Variants in SLC25A27 observed in about 807,000 individuals in gnomAD.
The protein encoded by SLC25A27 is mitochondrial uncoupling protein 4.
SLC25A27 carries 35 observed loss-of-function variants against 49.1 expected under a neutral mutation model. The observed-to-expected ratio is 0.71, with a 90% CI of 0.54 to 0.95. SLC25A27 has a LOEUF of 0.95. SLC25A27 is among the 40% of genes least tolerant of loss of function. SLC25A27 has a pLI of 0.00. For missense variants in SLC25A27, 339 were observed against 397.1 expected (o/e 0.85, Z 1.24); for synonymous variants, 144 against 136.9 (o/e 1.05, Z -0.36).
In SLC25A27 at chr6:46,668,813, G is replaced by T. The variant is rs748680941; in HGVS notation, c.704+20G>T. 2.8e-5 allele frequency: 40 copies of T among 1,424,054 alleles called. 1 individual carries two copies. In the South Asian group the frequency reaches 4.4e-4, roughly 16 times the overall value. 88.2% of individuals were successfully genotyped at this position (1,424,054 alleles called of 1,614,324 possible). A position where few individuals can be genotyped will look rare whatever the true frequency, so the allele number is the denominator to read the frequency against. On this transcript the variant is annotated intron_variant, in intron 6 of 8. Transcript: ENST00000371347. The stretch of plus-strand genomic sequence containing the variant: ...ATCAAGGTAAGGATTGTTTTAGTTG[G>T]ACTCTGTTTTTTTTTTTTGTATCAC...
chr6:46,674,356 G>A (rs1763680632), intron 8 of SLC25A27, among the ~76,000 whole-genome samples: 1 of 152,140 alleles, frequency 6.6e-6, no homozygotes, highest in African/African-American at 2.4e-5. Flanking sequence ...CTAGTATGTG[G>A]CAGAGCTGGG....
chr6:46,669,789 C>G (rs1459855857), intron 6 of SLC25A27, among the ~76,000 whole-genome samples: 8 of 152,152 alleles, frequency 5.3e-5, no homozygotes, highest in African/African-American at 1.7e-4. Flanking sequence ...TCACACTTCC[C>G]CATGTTTTTT....
At chr6:46,665,971 T>A (rs1260226689) in intron 5 of SLC25A27, among the ~76,000 whole-genome samples, 1 of 152,214 alleles carries the variant, frequency 6.6e-6, no homozygotes, top group East Asian at 1.9e-4. Context: ...ATCTGCAAAA[T>A]CTGGCCTGTG....
chr6:46,661,189 CTCA>C lies in SLC25A27; in HGVS notation c.384-1182_384-1180del, dbSNP rs1333413037. Among the ~76,000 whole-genome samples the C allele has an allele frequency of 2.0e-5, 3 of 151,674 alleles. No homozygotes were observed. The South Asian group carries it at 6.3e-4, about 32-fold the overall frequency. ...GAGAAAAAATATGATAATGTATGTG[CTCA>C]TCATTGTGTGGAGAAACAGGTATGA... is the stretch of plus-strand genomic sequence containing the variant. On this transcript the variant is annotated intron_variant, in intron 3 of 8. Coordinates refer to ENST00000371347, the MANE Select transcript of SLC25A27 (RefSeq NM_004277.5).
chr6:46,661,278 A>G (rs1314356047), intron 3 of SLC25A27, among the ~76,000 whole-genome samples: 1 of 152,174 alleles, frequency 6.6e-6, no homozygotes, highest in Non-Finnish European at 1.5e-5. Context: ...AGAAACAGGC[A>G]TTTTCACAGG....
rs1332633347 is a variant in SLC25A27, at chr6:46,671,290, A to G, written c.900+62A>G. Reference sequence around the variant, plus strand: ...GTACTTAAATTACTTTTAATTTATAAGCATTTTCCCTTTTCTCTTCTGGTT... The same window carrying G: ...GTACTTAAATTACTTTTAATTTATAGGCATTTTCCCTTTTCTCTTCTGGTT... On this transcript the variant is annotated intron_variant, in intron 8 of 8. Coordinates refer to ENST00000371347, the MANE Select transcript of SLC25A27 (RefSeq NM_004277.5). 4.1e-6 allele frequency: 4 copies of G among 985,116 alleles called. No individual in the cohort carries two copies. In the African/African-American group the frequency reaches 6.9e-5, roughly 17 times the overall value. The allele number at this position is 985,116 out of a possible 1,614,324, so 61.0% of individuals were successfully genotyped here.
Position 46,673,737 on chromosome 6 carries a change from C to T in SLC25A27, c.900+2509C>T, listed in dbSNP as rs1189386970. On this transcript the variant is annotated intron_variant, in intron 8 of 8. Coordinates refer to ENST00000371347, the MANE Select transcript of SLC25A27 (RefSeq NM_004277.5). ...ACTTAAGGACCAAGTTGGGAAGAAC[C>T]TTGTGGGCCAAGCCTAGTAGTTTAG... Among the ~76,000 whole-genome samples the T allele has an allele frequency of 4.6e-5, 7 of 152,204 alleles. No homozygotes were observed. The East Asian group carries it at 1.4e-3, about 29-fold the overall frequency.
At chr6:46,670,266 C>G (rs914072996) in intron 7 of SLC25A27, 39 bp downstream of exon 7, 1 of 1,227,962 alleles carries the variant, frequency 8.1e-7, no homozygotes, top group Non-Finnish European at 1.2e-6. Flanking sequence ...GCTTGAATAT[C>G]TGTAATACCT....
chr6:46,674,410 C>T (rs1562043601), intron 8 of SLC25A27, among the ~76,000 whole-genome samples: 1 of 152,106 alleles, frequency 6.6e-6, no homozygotes, highest in Non-Finnish European at 1.5e-5. Flanking sequence ...ACGCTCCTTA[C>T]TGATACAATA....
intron 5 of SLC25A27, among the ~76,000 whole-genome samples, chr6:46,667,108 A>G (rs1763351327): frequency 6.6e-6 from 1 of 152,086 alleles, no homozygotes; most frequent in Non-Finnish European, 1.5e-5. Context: ...TACCTTTGCT[A>G]CTACCTTATT....
Position 46,653,105 on chromosome 6 carries a change from G to T in SLC25A27, c.-88G>T. The T allele has an allele frequency of 1.5e-6, 2 of 1,310,350 alleles. No individual in the cohort carries two copies. The highest frequency in any genetic ancestry group is 1.1e-6 in the Non-Finnish European group (1 of 927,486). 81.2% of individuals were successfully genotyped at this position (1,310,350 alleles called of 1,614,324 possible). Reference sequence around the variant, plus strand: ...CACCCGGCCACTCGCCGGTTGAAAAGGGGCCGCCCTGGCAGGGAAGCGGCC... The same window carrying T: ...CACCCGGCCACTCGCCGGTTGAAAATGGGCCGCCCTGGCAGGGAAGCGGCC... On this transcript the variant is annotated 5_prime_UTR_variant, in exon 1 of 9. The change creates a new upstream start codon in the 5' untranslated region. Coordinates refer to ENST00000371347, the MANE Select transcript of SLC25A27 (RefSeq NM_004277.5).
At chr6:46,658,398 TTTG>T in intron 2 of SLC25A27, 4 of 312,344 alleles carry the variant, frequency 1.3e-5, no homozygotes, top group Non-Finnish European at 2.5e-5. Context: ...TCATTTGTAG[TTTG>T]TTGTTCATTG....
chr6:46,658,493 A>G (rs1361875585), intron 2 of SLC25A27: 4 of 448,260 alleles, frequency 8.9e-6, no homozygotes, highest in East Asian at 1.4e-4. Context: ...GAAATTATGT[A>G]TCTTTATTTA....
At chr6:46,653,892 C>T in intron 1 of SLC25A27, 1 of 970,730 alleles carries the variant, frequency 1.0e-6, no homozygotes, top group Non-Finnish European at 1.2e-6. Flanking sequence ...ATAATTCCTA[C>T]AATACCAGGG....
At chr6:46,673,745 C>G (rs961969789) in intron 8 of SLC25A27, among the ~76,000 whole-genome samples, 2 of 152,062 alleles carry the variant, frequency 1.3e-5, no homozygotes, top group African/African-American at 4.8e-5. Flanking sequence ...ACCTTGTGGG[C>G]CAAGCCTAGT....
intron 5 of SLC25A27, among the ~76,000 whole-genome samples, chr6:46,665,875 A>G (rs1763309723): frequency 6.6e-6 from 1 of 152,204 alleles, no homozygotes; most frequent in African/African-American, 2.4e-5. Flanking sequence ...CACAGATATT[A>G]ACACATTATT....
chr6:46,669,018 A>G (rs2150650068), intron 6 of SLC25A27, among the ~76,000 whole-genome samples: 1 of 152,306 alleles, frequency 6.6e-6, no homozygotes, highest in Middle Eastern at 3.4e-3. Flanking sequence ...AAATATTTGC[A>G]TCTTGATGGG....
chr6:46,661,628 C>T (rs558065898), intron 3 of SLC25A27, among the ~76,000 whole-genome samples: 2 of 152,312 alleles, frequency 1.3e-5, no homozygotes, highest in South Asian at 4.1e-4. Flanking sequence ...GTGGGCTCTG[C>T]ATGCAGGCTG....
chr6:46,670,959 T>C (rs898333789), intron 7 of SLC25A27, among the ~76,000 whole-genome samples, 167 bp from the exon 8 acceptor site: 2 of 152,178 alleles, frequency 1.3e-5, no homozygotes, highest in Non-Finnish European at 2.9e-5. Flanking sequence ...CTCCATCTCC[T>C]GACCTCATGA....
Sources: gnomAD v4.1 joint callset for allele counts (sites outside exome capture counted in the v4.1 genomes callset) on GRCh38, gnomAD v4.1.1 for gene constraint, MANE v1.5 for transcripts, NCBI Gene and HGNC (gene_info 2026-07-23, HGNC 2026-07-21) for gene names.